Variants in FNBP1 observed in about 807,000 individuals in gnomAD.
The protein encoded by FNBP1 is formin binding protein 1.
A neutral mutation model predicts 90.6 loss-of-function variants in FNBP1; 26 were observed. The ratio of observed to expected loss-of-function variants is 0.29; its 90% CI spans 0.21 to 0.40. The LOEUF (loss-of-function observed/expected upper bound fraction) is 0.40. FNBP1 is among the 10% of genes least tolerant of loss of function. FNBP1 has a pLI of 1.00. For synonymous variants in FNBP1, 260 were observed against 265.2 expected (o/e 0.98, Z 0.19); for missense variants, 635 against 768.0 (o/e 0.83, Z 2.05).
At chr9:129,904,584 T>A (rs2037611479) in intron 12 of FNBP1, among the ~76,000 whole-genome samples, 1 of 152,136 alleles carries the variant, frequency 6.6e-6, no homozygotes, top group Admixed American at 6.6e-5. Flanking sequence ...TAACTAAAAA[T>A]ATAGAAATAA....
intron 13 of FNBP1, among the ~76,000 whole-genome samples, chr9:129,901,301 G>C (rs2036890317): frequency 6.6e-6 from 1 of 151,996 alleles, no homozygotes; most frequent in Non-Finnish European, 1.5e-5. Flanking sequence ...AGCACTTTGG[G>C]AGAGGTGGGC....
intron 16 of FNBP1, chr9:129,895,558 T>C: frequency 8.1e-7 from 1 of 1,231,748 alleles, no homozygotes; most frequent in East Asian, 3.2e-5. Flanking sequence ...AAAGAAGAAA[T>C]GTTTATCAGA....
At chr9:130,001,327 AAC>A (rs112884335) in intron 1 of FNBP1, among the ~76,000 whole-genome samples, 110,242 of 136,236 alleles carry the variant, frequency 0.81, 43,210 homozygotes, top group East Asian at 0.94. Flanking sequence ...AACAAAACAA[AAC>A]AAAAAAAAAC....
chr9:130,046,141 C>A (rs1390990186), upstream of FNBP1, among the ~76,000 whole-genome samples: 1 of 151,896 alleles, frequency 6.6e-6, no homozygotes, highest in Non-Finnish European at 1.5e-5. Flanking sequence ...CCTTAAAAAC[C>A]CCAAAATGAT....
chr9:129,896,333 C>A (rs373511605), intron 15 of FNBP1, among the ~76,000 whole-genome samples: 2 of 152,100 alleles, frequency 1.3e-5, no homozygotes, highest in East Asian at 3.9e-4. Context: ...GGATCTCTCT[C>A]AGGAGAAAGG....
chr9:129,899,325 G>A (rs990631007), intron 15 of FNBP1, among the ~76,000 whole-genome samples: 1 of 151,532 alleles, frequency 6.6e-6, no homozygotes, highest in Admixed American at 6.6e-5. Context: ...TGACCTGCCC[G>A]CCTCAGCCTC....
At chr9:130,034,690 A>T (rs964726130) in intron 1 of FNBP1, among the ~76,000 whole-genome samples, 1 of 152,196 alleles carries the variant, frequency 6.6e-6, no homozygotes. Flanking sequence ...AGCTTCATTC[A>T]TGACTGTTTC....
At chr9:130,034,148 C>T (rs1275752587) in intron 1 of FNBP1, among the ~76,000 whole-genome samples, 3 of 151,138 alleles carry the variant, frequency 2.0e-5, no homozygotes, top group Non-Finnish European at 4.4e-5. Flanking sequence ...TGTGAAACCC[C>T]GTCTCTACTA....
Position 129,888,392 on chromosome 9 carries a change from A to G in FNBP1, c.*2147T>C, listed in dbSNP as rs975292299. The G allele has an allele frequency of 7.7e-5, 18 of 232,408 alleles. No individual in the cohort carries two copies. Among genetic ancestry groups the G allele is most frequent in the Non-Finnish European group, 1.2e-4 (14 of 117,638 alleles). 14.4% of individuals were successfully genotyped at this position (232,408 alleles called of 1,614,324 possible). On this transcript the variant is annotated 3_prime_UTR_variant, in exon 17 of 17. Coordinates refer to ENST00000446176, the MANE Select transcript of FNBP1 (RefSeq NM_015033.3). ...GTCGTCCCCGTTGGCGGGGGAGCCC[A>G]TTGTGGAGCTGTGGGGACTGCCACA...
chr9:130,002,013 G>T (rs867085992), intron 1 of FNBP1, among the ~76,000 whole-genome samples: 1 of 134,046 alleles, frequency 7.5e-6, no homozygotes, highest in Non-Finnish European at 1.6e-5. Flanking sequence ...GGGCAACAGA[G>T]TAAGACTTCT....
At chr9:129,959,245 C>T (rs750808528) in intron 4 of FNBP1, among the ~76,000 whole-genome samples, 4 of 148,872 alleles carry the variant, frequency 2.7e-5, no homozygotes, top group Non-Finnish European at 4.5e-5. Context: ...CGCAGTGAGC[C>T]GTGATCGTGC....
intron 5 of FNBP1, among the ~76,000 whole-genome samples, chr9:129,958,250 G>T (rs2047239191): frequency 6.6e-6 from 1 of 152,016 alleles, no homozygotes; most frequent in African/African-American, 2.4e-5. Flanking sequence ...TGGCCAACAT[G>T]GCAAAACCCC....
At chr9:130,035,901 G>A (rs531952492) in intron 1 of FNBP1, among the ~76,000 whole-genome samples, 2 of 152,064 alleles carry the variant, frequency 1.3e-5, no homozygotes, top group Non-Finnish European at 2.9e-5. Context: ...AGCTGAGATC[G>A]TGCCATTGCA....
At chr9:129,943,087 G>A (rs921158327) in intron 6 of FNBP1, among the ~76,000 whole-genome samples, 8 of 152,074 alleles carry the variant, frequency 5.3e-5, no homozygotes, top group Non-Finnish European at 1.0e-4. Flanking sequence ...GGTCAACGTC[G>A]GCAACATGCT....
In FNBP1 at chr9:130,038,399, C is replaced by CTT. The variant is rs796531911; in HGVS notation, c.24+4551_24+4552dup. Among the ~76,000 whole-genome samples, 782 of 108,532 alleles carry CTT rather than the reference C, an allele frequency of 7.2e-3. 10 individuals are homozygous for CTT. The highest frequency in any genetic ancestry group is 0.022 in the African/African-American group (652 of 29,650). 71.2% of individuals were successfully genotyped at this position (108,532 alleles called of 152,430 possible). A position where few individuals can be genotyped will look rare whatever the true frequency, so the allele number is the denominator to read the frequency against. ...AGACATACAATCAACACAGGTGGCT[C>CTT]TTTTTTTTTTTTTTTTTTGAGACAG... On this transcript the variant is annotated intron_variant, in intron 1 of 16. Transcript: ENST00000446176.
rs2059805259 is a variant in FNBP1, at chr9:130,041,349, A to G, written c.24+1603T>C. On this transcript the variant is annotated intron_variant, in intron 1 of 16. Coordinates refer to ENST00000446176, the MANE Select transcript of FNBP1 (RefSeq NM_015033.3). The surrounding 1 kb of genome is among the most constrained non-coding windows in gnomAD (Gnocchi z 4.3). ...GTGTTCGGTCCCTATTTCACTCAGA[A>G]ATATATTGTACATTTTCCCTCCATA... 6.6e-6 allele frequency among the ~76,000 whole-genome samples: 1 copy of G among 152,126 alleles called. No homozygotes were observed. The highest frequency in any genetic ancestry group is 6.5e-5 in the Admixed American group (1 of 15,268).
intron 12 of FNBP1, among the ~76,000 whole-genome samples, chr9:129,903,537 T>C (rs992541664): frequency 1.3e-5 from 2 of 152,216 alleles, no homozygotes; most frequent in Admixed American, 6.5e-5. Context: ...TTCTCTTCTC[T>C]AATGGTTATC....
chr9:130,006,416 A>C (rs1309400241), intron 1 of FNBP1, among the ~76,000 whole-genome samples: 1 of 151,888 alleles, frequency 6.6e-6, no homozygotes, highest in Non-Finnish European at 1.5e-5. Context: ...AATCGCTTGA[A>C]CCTGGGAGGC....
chr9:129,951,218 T>C (rs757939868), intron 6 of FNBP1, among the ~76,000 whole-genome samples: 1 of 151,788 alleles, frequency 6.6e-6, no homozygotes, highest in Non-Finnish European at 1.5e-5. Flanking sequence ...CGGCCTCCCA[T>C]AGTGCTGGCA....
Sources: allele counts gnomAD v4.1 joint callset (sites outside exome capture counted in the v4.1 genomes callset), GRCh38; gene constraint gnomAD v4.1.1; non-coding constraint Gnocchi (gnomAD v3.1); transcripts MANE v1.5; gene names NCBI Gene and HGNC (gene_info 2026-07-23, HGNC 2026-07-21).